Variants in KPNA4 observed in about 807,000 individuals in gnomAD.
KPNA4 encodes importin subunit alpha-3.
A neutral mutation model predicts 71.3 loss-of-function variants in KPNA4; 13 were observed. That is an observed-to-expected ratio of 0.18 (90% CI 0.12 to 0.29). The LOEUF (loss-of-function observed/expected upper bound fraction) is 0.29. Ranked by LOEUF, KPNA4 falls within the 10% of genes least tolerant of loss-of-function variation. KPNA4 has a pLI of 1.00. For missense variants in KPNA4, 334 were observed against 603.2 expected, an observed-to-expected ratio of 0.55 and a Z score of 4.67; for synonymous variants, 189 against 195.2, an observed-to-expected ratio of 0.97 and a Z score of 0.26.
chr3:160,510,714 A>G (rs1171961443), intron 13 of KPNA4, among the ~76,000 whole-genome samples: 1 of 152,182 alleles, frequency 6.6e-6, no homozygotes, highest in Non-Finnish European at 1.5e-5. Context: ...CTATAATAGC[A>G]AAATTTACAT....
chr3:160,542,669 G>A (rs1721822345), intron 1 of KPNA4, among the ~76,000 whole-genome samples: 2 of 152,102 alleles, frequency 1.3e-5, no homozygotes, highest in Admixed American at 1.3e-4. Flanking sequence ...AAGGCCTGAA[G>A]TTCTACTAGT....
chr3:160,525,824 A>G lies in KPNA4; in HGVS notation c.747T>C (p.Val249=). The G allele has an allele frequency of 6.4e-7, 1 of 1,570,718 alleles. No homozygotes were observed. Among genetic ancestry groups the G allele is most frequent in the Non-Finnish European group, 8.6e-7 (1 of 1,158,498 alleles). Residue 249 remains valine, a synonymous_variant, in exon 10 of 17, where the codon GTT becomes GTC. Transcript: ENST00000334256. ...TIQEILPALC[V]LIHHTDVNIL... is the part of the protein sequence containing the mutation. ...CATTTACATCTGTGTGATGAATTAA[A>G]ACACAAAGGGCTGGAAGAATCTGAG...
intron 13 of KPNA4, 114 bp downstream of exon 13, chr3:160,513,963 A>T: frequency 4.5e-6 from 2 of 445,094 alleles, no homozygotes; most frequent in Non-Finnish European, 7.3e-6. Context: ...TACTATATTT[A>T]TGCCACTGTA....
intron 13 of KPNA4, among the ~76,000 whole-genome samples, chr3:160,510,963 T>C (rs1721079969): frequency 6.7e-6 from 1 of 149,858 alleles, no homozygotes; most frequent in Non-Finnish European, 1.5e-5. Flanking sequence ...AGTTTTTGTA[T>C]TTTTTTTGGT....
At position 160,535,537 on chromosome 3, in the gene KPNA4, T is replaced by C; in HGVS notation, c.263A>G (p.Gln88Arg). ...QNASSDNQGI[Q>R]LSAVQAARKL... ...CCTAGCAGCTTGAACTGCACTTAAT[T>C]GAATTCCTTGGTTATCACTTGAAGC... Residue 88 changes from glutamine to arginine, a missense_variant, in exon 5 of 17, where the codon CAA (glutamine) becomes CGA (arginine). By Grantham distance (43) the Gln-to-Arg change is conservative (BLOSUM62 1). Transcript: ENST00000334256. 6.2e-7 allele frequency: 1 copy of C among 1,602,440 alleles called. No individual in the cohort carries two copies. Among genetic ancestry groups the C allele is most frequent in the Non-Finnish European group, 8.5e-7 (1 of 1,174,166 alleles).
intron 1 of KPNA4, among the ~76,000 whole-genome samples, chr3:160,543,403 C>T (rs920488995): frequency 5.3e-5 from 8 of 151,554 alleles, no homozygotes; most frequent in Non-Finnish European, 1.2e-4. Flanking sequence ...TGCAGTGGCG[C>T]GACCTCAGCT....
intron 13 of KPNA4, among the ~76,000 whole-genome samples, chr3:160,513,249 G>GTTTTTTTTTTT (rs946090860): frequency 1.2e-5 from 1 of 80,626 alleles, no homozygotes; most frequent in Non-Finnish European, 2.3e-5. Context: ...CTACTTTGTG[G>GTTTTTTTTTTT]TTTTTTTTTT....
intron 13 of KPNA4, among the ~76,000 whole-genome samples, chr3:160,513,831 AT>A: frequency 6.6e-6 from 1 of 152,326 alleles, no homozygotes; most frequent in South Asian, 2.1e-4. Flanking sequence ...ATGGCCTAGG[AT>A]AATGGCAATT....
intron 10 of KPNA4, among the ~76,000 whole-genome samples, chr3:160,523,607 T>C (rs1034600044): frequency 6.6e-6 from 1 of 152,070 alleles, no homozygotes; most frequent in African/African-American, 2.4e-5. Context: ...CCCAGCACTT[T>C]GGGGGGCCAA....
rs1256812339 is a variant in KPNA4 at position 160,517,226 on chromosome 3, CT to C, written c.904-1647del. Among the ~76,000 whole-genome samples the C allele has an allele frequency of 2.6e-5, 4 of 151,966 alleles. No homozygotes were observed. The South Asian group carries it at 6.2e-4, about 24-fold the overall frequency. On this transcript the variant is annotated intron_variant, in intron 11 of 16. Transcript: ENST00000334256. ...TTAACAAAATCAAAATGTATTTGGC[CT>C]TTTTTGTCTAGCTTCTTTCATTTCA... is the stretch of plus-strand genomic sequence containing the variant.
At chr3:160,545,985 T>G (rs1371915186) in intron 1 of KPNA4, among the ~76,000 whole-genome samples, 1 of 152,186 alleles carries the variant, frequency 6.6e-6, no homozygotes, top group African/African-American at 2.4e-5. Flanking sequence ...GTAATATCAC[T>G]TTTAGATCTA....
intron 14 of KPNA4, among the ~76,000 whole-genome samples, chr3:160,508,902 C>G (rs2108543853): frequency 6.6e-6 from 1 of 152,232 alleles, no homozygotes; most frequent in East Asian, 1.9e-4. Flanking sequence ...TCTCAATTCA[C>G]TATTCTATTG....
Position 160,524,848 on chromosome 3 carries a change from T to A in KPNA4, c.771+952A>T, listed in dbSNP as rs12492218. ...ATGTCACTGTTTGATACAGTAAAAT[T>A]CTAATTTTAATTTGTTCCATACAAA... is the stretch of plus-strand genomic sequence containing the variant. On this transcript the variant is annotated intron_variant, in intron 10 of 16. Coordinates refer to ENST00000334256, the MANE Select transcript of KPNA4 (RefSeq NM_002268.5). Among the ~76,000 whole-genome samples the A allele has an allele frequency of 4.6e-3, 700 of 152,336 alleles. 26 individuals carry two copies. Among genetic ancestry groups the A allele is most frequent in the Admixed American group, 0.039 (594 of 15,310 alleles).
chr3:160,533,916 T>C (rs922496784), intron 5 of KPNA4, among the ~76,000 whole-genome samples: 3 of 152,226 alleles, frequency 2.0e-5, no homozygotes, highest in Admixed American at 6.5e-5. Flanking sequence ...CTATCCAATA[T>C]TCAACTCTGA....
chr3:160,525,897 T>C (rs751949546), intron 9 of KPNA4, 41 bp downstream of exon 9: 23 of 1,527,984 alleles, frequency 1.5e-5, no homozygotes, highest in Middle Eastern at 2.4e-4. Context: ...AAAATATATA[T>C]ATAATGGTAT....
At chr3:160,539,669 C>T (rs1721757682) in intron 1 of KPNA4, among the ~76,000 whole-genome samples, 1 of 152,202 alleles carries the variant, frequency 6.6e-6, no homozygotes, top group Admixed American at 6.5e-5. Context: ...TAACAAAAAA[C>T]TATGACCTAT....
chr3:160,521,974 C>A, intron 10 of KPNA4, 64 bp from the exon 11 acceptor site: 2 of 1,402,962 alleles, frequency 1.4e-6, no homozygotes, highest in Non-Finnish European at 9.8e-7. Context: ...AATTCTTGAC[C>A]AAACAACCAT....
chr3:160,524,439 C>T (rs886906828), intron 10 of KPNA4, among the ~76,000 whole-genome samples: 2 of 152,120 alleles, frequency 1.3e-5, no homozygotes, highest in African/African-American at 4.8e-5. Context: ...ACCTCCCCAG[C>T]TCAGGAGATC....
At chr3:160,518,434 C>T (rs1043309960) in intron 11 of KPNA4, among the ~76,000 whole-genome samples, 85 of 151,582 alleles carry the variant, frequency 5.6e-4, no homozygotes, top group African/African-American at 2.0e-3. Flanking sequence ...CGCGCCCGGC[C>T]TATTCTGAGT....
Sources: allele counts gnomAD v4.1 joint callset (sites outside exome capture counted in the v4.1 genomes callset), GRCh38; gene constraint gnomAD v4.1.1; transcripts MANE v1.5; gene names NCBI Gene and HGNC (gene_info 2026-07-23, HGNC 2026-07-21).